The following MCPH1 variants were observed in gnomAD, a reference collection of about 807,000 sequenced individuals.
MCPH1 encodes the protein microcephalin 1, also known as microcephalin.
Under a neutral mutation model 84.5 loss-of-function variants are expected in MCPH1, and 104 were observed. That is an observed-to-expected ratio of 1.23 (90% CI 1.05 to 1.45). MCPH1 has a LOEUF of 1.45. Among genes scored for constraint, MCPH1 ranks in the 40% most tolerant of loss-of-function variants. The probability of loss-of-function intolerance (pLI) is 0.00; values close to 1 mark genes in which losing one functional copy is unlikely to be tolerated. For synonymous variants in MCPH1, 514 were observed against 366.8 expected (o/e 1.40, Z -4.58); for missense variants, 1,498 against 1,005.7 (o/e 1.49, Z -6.62).
At chr8:6,549,529 C>G (rs1430284080) in intron 12 of MCPH1, among the ~76,000 whole-genome samples, 1 of 151,922 alleles carries the variant, frequency 6.6e-6, no homozygotes, top group African/African-American at 2.4e-5. Flanking sequence ...AGTCATTACA[C>G]AGGTGCGCAC....
At chr8:6,512,883 C>T (rs1014101109) in intron 12 of MCPH1, among the ~76,000 whole-genome samples, 3 of 152,218 alleles carry the variant, frequency 2.0e-5, no homozygotes, top group Non-Finnish European at 4.4e-5. Flanking sequence ...AGTTGACTAA[C>T]CATCCCACCT....
At chr8:6,512,144 T>C (rs2129567131) in intron 12 of MCPH1, among the ~76,000 whole-genome samples, 1 of 152,338 alleles carries the variant, frequency 6.6e-6, no homozygotes, top group South Asian at 2.1e-4. Context: ...TATGCTTCAC[T>C]GATGTTTAAA....
chr8:6,522,107 GC>G (rs1241169187), intron 12 of MCPH1, among the ~76,000 whole-genome samples: 3 of 152,206 alleles, frequency 2.0e-5, no homozygotes, highest in African/African-American at 7.2e-5. Flanking sequence ...TGTAATCCCA[GC>G]ACTTTGGGAG....
chr8:6,477,560 CT>C lies in MCPH1; in HGVS notation c.1936-33del, dbSNP rs752171222. On this transcript the variant is annotated intron_variant, in intron 9 of 13. Coordinates refer to ENST00000344683, the MANE Select transcript of MCPH1 (RefSeq NM_024596.5). ...GGAAAAATATTTTTTATGTTTTTGA[CT>C]GTTTTTTGTTCCTTCTTGTTTGAAA... 1.5e-5 allele frequency: 24 copies of C among 1,597,514 alleles called. No homozygotes were observed. In the South Asian group the frequency reaches 2.7e-4, roughly 18 times the overall value.
chr8:6,491,956 T>C (rs2129561234), intron 11 of MCPH1, among the ~76,000 whole-genome samples: 1 of 152,358 alleles, frequency 6.6e-6, no homozygotes, highest in Non-Finnish European at 1.5e-5. Flanking sequence ...TGTGTCTTTA[T>C]AGCAGCATGA....
chr8:6,626,759 C>G (rs1832123489), intron 13 of MCPH1: 41 of 985,234 alleles, frequency 4.2e-5, no homozygotes, highest in Non-Finnish European at 4.9e-5. Context: ...TTGGGTGGAG[C>G]TCTGAGCCCT....
chr8:6,527,607 T>G, intron 12 of MCPH1: 1 of 1,614,112 alleles, frequency 6.2e-7, no homozygotes, highest in Non-Finnish European at 8.5e-7. Context: ...AAAATCTGTT[T>G]TTCCAATTTG....
At chr8:6,488,081 T>G (rs1459014229) in intron 11 of MCPH1, among the ~76,000 whole-genome samples, 4 of 152,260 alleles carry the variant, frequency 2.6e-5, no homozygotes, top group Admixed American at 2.0e-4. Context: ...ACAGAGTTTG[T>G]CTGCTTCTTT....
chr8:6,630,051 A>G (rs148784576), intron 13 of MCPH1, among the ~76,000 whole-genome samples: 1 of 152,322 alleles, frequency 6.6e-6, no homozygotes, highest in African/African-American at 2.4e-5. Context: ...TTTATTTTTT[A>G]GTCAATTTTT....
At chr8:6,450,016 C>G (rs994872759) in intron 8 of MCPH1, among the ~76,000 whole-genome samples, 1 of 151,142 alleles carries the variant, frequency 6.6e-6, no homozygotes, top group African/African-American at 2.4e-5. Context: ...TATCTATACC[C>G]CACTTGTCCA....
intron 12 of MCPH1, among the ~76,000 whole-genome samples, chr8:6,566,813 G>A (rs12549365): frequency 3.4e-5 from 5 of 145,380 alleles, no homozygotes; most frequent in East Asian, 2.1e-4. Context: ...TGTGTGATCC[G>A]CAAGGCCATG....
chr8:6,458,765 C>G (rs1033300663), intron 9 of MCPH1, among the ~76,000 whole-genome samples: 3 of 152,154 alleles, frequency 2.0e-5, no homozygotes, highest in African/African-American at 4.8e-5. Context: ...CTGCCCCAGC[C>G]TCCTTAGTAG....
chr8:6,472,917 C>G (rs1431823522), intron 9 of MCPH1, among the ~76,000 whole-genome samples: 1 of 152,160 alleles, frequency 6.6e-6, no homozygotes. Context: ...ATCAAAGTGA[C>G]TGTAAAAGGT....
At chr8:6,464,104 G>C (rs1489045757) in intron 9 of MCPH1, among the ~76,000 whole-genome samples, 1 of 152,184 alleles carries the variant, frequency 6.6e-6, no homozygotes, top group Non-Finnish European at 1.5e-5. Context: ...CCATTGTTCA[G>C]ACCCGCTGTA....
intron 1 of MCPH1, among the ~76,000 whole-genome samples, chr8:6,407,457 A>T (rs1196327456): frequency 4.6e-5 from 7 of 152,122 alleles, no homozygotes; most frequent in Admixed American, 3.3e-4. Flanking sequence ...TGTCCTAACC[A>T]GTATATGATA....
At chr8:6,527,602 C>A (rs745494202) in intron 12 of MCPH1, 8 of 1,613,866 alleles carry the variant, frequency 5.0e-6, no homozygotes, top group Non-Finnish European at 6.8e-6. Context: ...GGTCCAAAAT[C>A]TGTTTTTCCA....
At chr8:6,426,798 C>T (rs1465480575) in intron 3 of MCPH1, among the ~76,000 whole-genome samples, 1 of 152,102 alleles carries the variant, frequency 6.6e-6, no homozygotes, top group African/African-American at 2.4e-5. Context: ...TTTAGCCATT[C>T]AAGCAGATGT....
chr8:6,639,614 G>C (rs931584821), intron 13 of MCPH1, among the ~76,000 whole-genome samples: 2 of 150,754 alleles, frequency 1.3e-5, no homozygotes, highest in Non-Finnish European at 2.9e-5. Flanking sequence ...AGTAAGCCAT[G>C]ATCATACCAC....
At chr8:6,540,753 G>T (rs1227248796) in intron 12 of MCPH1, among the ~76,000 whole-genome samples, 1 of 152,282 alleles carries the variant, frequency 6.6e-6, no homozygotes, top group Non-Finnish European at 1.5e-5. Context: ...TGAGACAAAG[G>T]CAGGCATGCA....
Sources: allele counts gnomAD v4.1 joint callset (sites outside exome capture counted in the v4.1 genomes callset), GRCh38; gene constraint gnomAD v4.1.1; transcripts MANE v1.5; gene names NCBI Gene and HGNC (gene_info 2026-07-23, HGNC 2026-07-21).